The following LYPLAL1 variants were observed in gnomAD, a reference collection of about 807,000 sequenced individuals.
LYPLAL1 encodes the protein lysophospholipase-like protein 1.
LYPLAL1 carries 23 observed loss-of-function variants against 19.7 expected under a neutral mutation model. That is an observed-to-expected ratio of 1.17 (90% confidence interval 0.84 to 1.65). The LOEUF (loss-of-function observed/expected upper bound fraction) is 1.65, where lower values mean the gene tolerates loss of function less well. Among genes scored for constraint, LYPLAL1 ranks in the 40% most tolerant of loss-of-function variants. LYPLAL1 has a pLI of 0.00. For missense variants in LYPLAL1, 355 were observed against 279.4 expected, an observed-to-expected ratio of 1.27 and a Z score of -1.93; for synonymous variants, 119 against 96.3, an observed-to-expected ratio of 1.24 and a Z score of -1.38.
chr1:219,308,564 G>A, the LYPLAL1 span, among the ~76,000 whole-genome samples: 1 of 152,160 alleles, frequency 6.6e-6, no homozygotes, highest in African/African-American at 2.4e-5. Flanking sequence ...TAGGGACTTG[G>A]TGCCCTGTGT....
At chr1:219,221,059 CT>C in the LYPLAL1 span, among the ~76,000 whole-genome samples, 1 of 152,196 alleles carries the variant, frequency 6.6e-6, no homozygotes, top group African/African-American at 2.4e-5. Flanking sequence ...ACCAGGTCAA[CT>C]TTTTGCAGGA....
the LYPLAL1 span, among the ~76,000 whole-genome samples, chr1:219,264,775 CATTT>C: frequency 3.3e-5 from 5 of 152,250 alleles, no homozygotes; most frequent in African/African-American, 1.2e-4. Context: ...GGAGGGAGCA[CATTT>C]ATTGTGCATG....
chr1:219,297,922 C>CAATT, the LYPLAL1 span, among the ~76,000 whole-genome samples: 1 of 152,182 alleles, frequency 6.6e-6, no homozygotes, highest in African/African-American at 2.4e-5. Context: ...CTCCCCTTAA[C>CAATT]AATTCTATAA....
At chr1:219,203,365 A>G (rs1485167372) in intron 3 of LYPLAL1, among the ~76,000 whole-genome samples, 1 of 152,136 alleles carries the variant, frequency 6.6e-6, no homozygotes, top group Non-Finnish European at 1.5e-5. Context: ...CAGGTCAAAA[A>G]TGATACTTCT....
the LYPLAL1 span, among the ~76,000 whole-genome samples, chr1:219,268,182 A>G: frequency 6.6e-6 from 1 of 152,174 alleles, no homozygotes; most frequent in African/African-American, 2.4e-5. Context: ...AGGAAAACCT[A>G]AGTAAGTACA....
At chr1:219,285,743 A>T in the LYPLAL1 span, among the ~76,000 whole-genome samples, 2 of 152,210 alleles carry the variant, frequency 1.3e-5, no homozygotes, top group South Asian at 2.1e-4. Flanking sequence ...ATGAATGCTA[A>T]TTGGCATAAG....
At chr1:219,440,706 T>C in the LYPLAL1 span, among the ~76,000 whole-genome samples, 11 of 152,336 alleles carry the variant, frequency 7.2e-5, no homozygotes, top group East Asian at 1.7e-3. Context: ...TAAGCATTTA[T>C]TCTGACTTTT....
chr1:219,267,527 G>T, the LYPLAL1 span, among the ~76,000 whole-genome samples: 1 of 152,110 alleles, frequency 6.6e-6, no homozygotes, highest in Non-Finnish European at 1.5e-5. Context: ...ATATAACTAC[G>T]TCTGGGAAAA....
the LYPLAL1 span, among the ~76,000 whole-genome samples, chr1:219,398,817 G>C: frequency 6.6e-6 from 1 of 152,124 alleles, no homozygotes; most frequent in African/African-American, 2.4e-5. Flanking sequence ...ATTTTAGGGG[G>C]CCAGTGCTGA....
chr1:219,201,397 A>G lies in LYPLAL1; in HGVS notation c.361+8146A>G, dbSNP rs534575694. 9.9e-5 allele frequency among the ~76,000 whole-genome samples: 15 copies of G among 151,836 alleles called. No individual in the cohort carries two copies. The South Asian group carries it at 3.1e-3, about 32-fold the overall frequency. On this transcript the variant is annotated intron_variant, in intron 3 of 4. Transcript: ENST00000366928. ...TCTTTCTACCATATAATGGAAGACT[A>G]TTTTCTGAAGTACCAAGAGAACCTT... is the stretch of plus-strand genomic sequence containing the variant.
At chr1:219,371,193 T>C in the LYPLAL1 span, among the ~76,000 whole-genome samples, 1 of 152,186 alleles carries the variant, frequency 6.6e-6, no homozygotes, top group Non-Finnish European at 1.5e-5. Context: ...ACTGTGGGTA[T>C]GCATTCCTTG....
At chr1:219,286,077 A>G in the LYPLAL1 span, among the ~76,000 whole-genome samples, 1 of 152,160 alleles carries the variant, frequency 6.6e-6, no homozygotes, top group African/African-American at 2.4e-5. Context: ...AGGCAAGCAG[A>G]TAACTGAAGC....
At chr1:219,175,721 TA>T (rs1237567131) in intron 1 of LYPLAL1, among the ~76,000 whole-genome samples, 1 of 152,124 alleles carries the variant, frequency 6.6e-6, no homozygotes, top group African/African-American at 2.4e-5. Context: ...AATAAAACCT[TA>T]TTGGGAGTAG....
At chr1:219,431,308 C>G in the LYPLAL1 span, among the ~76,000 whole-genome samples, 1 of 152,208 alleles carries the variant, frequency 6.6e-6, no homozygotes, top group East Asian at 1.9e-4. Flanking sequence ...ATCCTCCTGC[C>G]TCTGCCTCCC....
At chr1:219,255,163 A>G in the LYPLAL1 span, among the ~76,000 whole-genome samples, 3 of 151,770 alleles carry the variant, frequency 2.0e-5, no homozygotes, top group Non-Finnish European at 2.9e-5. Context: ...TTGAAATTGT[A>G]TTAAAATTAT....
the LYPLAL1 span, among the ~76,000 whole-genome samples, chr1:219,246,503 CACCCTA>C: frequency 6.6e-6 from 1 of 152,190 alleles, no homozygotes; most frequent in African/African-American, 2.4e-5. Context: ...CCTGCATTCT[CACCCTA>C]ACCTGGAGTG....
the LYPLAL1 span, among the ~76,000 whole-genome samples, chr1:219,238,843 T>C: frequency 6.6e-6 from 1 of 152,238 alleles, no homozygotes; most frequent in South Asian, 2.1e-4. Flanking sequence ...GATGAACATA[T>C]GATCTCATTA....
rs1656080113 is a variant in LYPLAL1 at position 219,179,394 on chromosome 1, T to C, written c.191+148T>C. 4 of 656,754 alleles carry C rather than the reference T, an allele frequency of 6.1e-6. No individual in the cohort carries two copies. In the African/African-American group the frequency reaches 7.6e-5, roughly 12 times the overall value. The allele number at this position is 656,754 out of a possible 1,614,324, so 40.7% of individuals were successfully genotyped here. On this transcript the variant is annotated intron_variant, in intron 2 of 4. Coordinates refer to ENST00000366928, the MANE Select transcript of LYPLAL1 (RefSeq NM_138794.5). ...CTTTGTCCCCAGAATGTATTCTTTA[T>C]TGCAGTTACACTGTTGGACCAAGTT...
chr1:219,173,920 G>C lies in LYPLAL1; in HGVS notation c.30G>C (p.Gln10His). MAAASGSVL[Q>H]RCIVSPAGRH... Reference sequence around the variant, plus strand: ...CGGCTGCGTCGGGGTCGGTTCTGCAGCGCTGTATCGTGTCGCCGGCAGGGA... The same window carrying C: ...CGGCTGCGTCGGGGTCGGTTCTGCACCGCTGTATCGTGTCGCCGGCAGGGA... The change falls in exon 1 of 5, where the codon CAG becomes CAC. Residue 10 changes from glutamine to histidine, a missense_variant. Transcript: ENST00000366928. 1 of 1,613,778 alleles carries C rather than the reference G, an allele frequency of 6.2e-7. No individual in the cohort carries two copies. Among genetic ancestry groups the C allele is most frequent in the Non-Finnish European group, 8.5e-7 (1 of 1,179,964 alleles).
Sources: allele counts gnomAD v4.1 joint callset (sites outside exome capture counted in the v4.1 genomes callset), GRCh38; gene constraint gnomAD v4.1.1; transcripts MANE v1.5; gene names NCBI Gene and HGNC (gene_info 2026-07-23, HGNC 2026-07-21).